Variants in PRKCZ observed in about 807,000 individuals in gnomAD.
The protein encoded by PRKCZ is protein kinase C zeta, also known as protein kinase C zeta type.
In PRKCZ, 33 loss-of-function variants were observed where a neutral mutation model predicts 79.5. The ratio of observed to expected loss-of-function variants is 0.41; its 90% CI spans 0.31 to 0.55. PRKCZ has a LOEUF of 0.55. Among genes scored for constraint, PRKCZ ranks in the 20% least tolerant of loss-of-function variants. The pLI, the probability that PRKCZ is intolerant of heterozygous loss-of-function variation, is 0.19. For missense variants in PRKCZ, 578 were observed against 813.5 expected, an observed-to-expected ratio of 0.71 and a Z score of 3.52; for synonymous variants, 342 against 320.9, an observed-to-expected ratio of 1.07 and a Z score of -0.70.
chr1:2,078,626 C>T (rs891623533), intron 4 of PRKCZ, among the ~76,000 whole-genome samples: 38 of 152,158 alleles, frequency 2.5e-4, no homozygotes, highest in African/African-American at 8.7e-4. Flanking sequence ...TATCACATGG[C>T]CGACTCCCCG....
chr1:2,057,388 G>A (rs1366870394), intron 3 of PRKCZ, among the ~76,000 whole-genome samples: 1 of 152,204 alleles, frequency 6.6e-6, no homozygotes, highest in African/African-American at 2.4e-5. Context: ...CTTTGTCTCT[G>A]TGTCCACTTC....
At chr1:2,079,447 C>G (rs1040164347) in intron 4 of PRKCZ, among the ~76,000 whole-genome samples, 1 of 152,244 alleles carries the variant, frequency 6.6e-6, no homozygotes, top group Non-Finnish European at 1.5e-5. Context: ...TGGGCTTAAG[C>G]CCACGCTATT....
In PRKCZ at chr1:2,140,666, G is replaced by A. The variant is rs538814064; in HGVS notation, c.421-3544G>A. On this transcript the variant is annotated intron_variant, in intron 5 of 17. Coordinates refer to ENST00000378567, the MANE Select transcript of PRKCZ (RefSeq NM_002744.6). ...AGTGAGACTCCGTCTCAAAAAAAAA[G>A]AAAGAAAATGTGAGCAGGGAGGCCA... 2.3e-4 allele frequency among the ~76,000 whole-genome samples: 35 copies of A among 151,376 alleles called. No homozygotes were observed. The South Asian group carries it at 7.1e-3, about 31-fold the overall frequency.
intron 4 of PRKCZ, among the ~76,000 whole-genome samples, chr1:2,072,606 C>T (rs550902458): frequency 2.6e-5 from 4 of 152,144 alleles, no homozygotes; most frequent in South Asian, 4.2e-4. Flanking sequence ...GCCCCTGGGG[C>T]GACTGGGGGC....
chr1:2,177,788 C>T lies in PRKCZ; in HGVS notation c.1575+2475C>T, dbSNP rs973760685. 6.6e-6 allele frequency among the ~76,000 whole-genome samples: 1 copy of T among 152,320 alleles called. No homozygotes were observed. On this transcript the variant is annotated intron_variant, in intron 16 of 17. Transcript: ENST00000378567. The surrounding 1 kb of genome is among the most constrained non-coding windows in gnomAD (Gnocchi z 6.4). The stretch of plus-strand genomic sequence containing the variant: ...TCACCCCCGTGGCTGCCCACAGGGG[C>T]GGCTTCCATCACCCTGCTTCTTCCT...
Position 2,182,443 on chromosome 1 carries a change from G to A in PRKCZ, c.1576-2140G>A, listed in dbSNP as rs61730921. The A allele has an allele frequency of 9.3e-3, 1,440 of 155,226 alleles. 20 individuals carry two copies. The highest frequency in any genetic ancestry group is 0.031 in the African/African-American group (1,310 of 41,644). 9.6% of individuals were successfully genotyped at this position (155,226 alleles called of 1,614,324 possible). ...ATCATGGGCAGGGTGCATCTGTTTG[G>A]GTATGCTGCCCCCCAGCTGGCGGGG... On this transcript the variant is annotated intron_variant, in intron 16 of 17. Coordinates refer to ENST00000378567, the MANE Select transcript of PRKCZ (RefSeq NM_002744.6).
At chr1:2,056,882 C>G (rs1415259485) in intron 3 of PRKCZ, among the ~76,000 whole-genome samples, 1 of 151,964 alleles carries the variant, frequency 6.6e-6, no homozygotes, top group East Asian at 1.9e-4. Flanking sequence ...GCGCCCGCCA[C>G]CACGCCCGGC....
intron 9 of PRKCZ, among the ~76,000 whole-genome samples, chr1:2,154,875 G>A (rs1449275811): frequency 6.6e-6 from 1 of 152,214 alleles, no homozygotes; most frequent in Non-Finnish European, 1.5e-5. Context: ...ACAGTCCTAT[G>A]GCTGAAGCTA....
chr1:2,050,457 G>GCCCCCCGCT lies in PRKCZ; in HGVS notation c.-170_-162dup, dbSNP rs1449010974. 4.5e-6 allele frequency: 1 copy of GCCCCCCGCT among 223,960 alleles called. No homozygotes were observed. Among genetic ancestry groups the GCCCCCCGCT allele is most frequent in the African/African-American group, 2.3e-5 (1 of 42,708 alleles). 13.9% of individuals were successfully genotyped at this position (223,960 alleles called of 1,614,324 possible). On this transcript the variant is annotated 5_prime_UTR_variant, in exon 1 of 18. Transcript: ENST00000378567. The stretch of plus-strand genomic sequence containing the variant: ...CCCGCCGGACGGTCCCGCCCCGCGC[G>GCCCCCCGCT]CCCCCCGCTCCCGCCCCGCGCGCCG...
At chr1:2,131,616 CG>C (rs1484391060) in intron 4 of PRKCZ, among the ~76,000 whole-genome samples, 1 of 152,160 alleles carries the variant, frequency 6.6e-6, no homozygotes, top group African/African-American at 2.4e-5. Context: ...GCGCAGGACT[CG>C]GCAATATAAA....
At position 2,168,820 on chromosome 1, in the gene PRKCZ, G is replaced by T. The variant is rs989806629; in HGVS notation, c.975-698G>T. ...CTGACCTAAAAAAACCCGCCACAGGGTATTTCTGGGAGATTGTATGAGAAT... is the reference window on the plus strand; with the variant it reads ...CTGACCTAAAAAAACCCGCCACAGGTTATTTCTGGGAGATTGTATGAGAAT... On this transcript the variant is annotated intron_variant, in intron 10 of 17. Coordinates refer to ENST00000378567, the MANE Select transcript of PRKCZ (RefSeq NM_002744.6). This position sits in a 1 kb window ranked among gnomAD's most constrained non-coding sequence, Gnocchi z 4.7. 5 of 204,604 alleles carry T rather than the reference G, an allele frequency of 2.4e-5. No homozygotes were observed. The highest frequency in any genetic ancestry group is 1.7e-3 in the Middle Eastern group (1 of 592). 12.7% of individuals were successfully genotyped at this position (204,604 alleles called of 1,614,324 possible). A position where few individuals can be genotyped will look rare whatever the true frequency, so the allele number is the denominator to read the frequency against.
chr1:2,181,156 T>C (rs1351994161), intron 16 of PRKCZ, among the ~76,000 whole-genome samples: 1 of 139,726 alleles, frequency 7.2e-6, no homozygotes, highest in South Asian at 2.4e-4. Context: ...AGGGTCGTCC[T>C]GTGTCCAAAA....
intron 4 of PRKCZ, among the ~76,000 whole-genome samples, chr1:2,100,453 C>A (rs867495376): frequency 3.9e-5 from 6 of 152,208 alleles, no homozygotes; most frequent in African/African-American, 1.2e-4. Flanking sequence ...AAGGTCCTAC[C>A]TTTGTATCTA....
chr1:2,058,115 C>T (rs563487443), intron 3 of PRKCZ, among the ~76,000 whole-genome samples: 5 of 152,344 alleles, frequency 3.3e-5, no homozygotes, highest in Admixed American at 2.0e-4. Context: ...GATCCACCCG[C>T]CTCAGCCTCC....
chr1:2,098,998 C>T (rs188132236), intron 4 of PRKCZ, among the ~76,000 whole-genome samples: 1 of 152,308 alleles, frequency 6.6e-6, no homozygotes, highest in Admixed American at 6.5e-5. Flanking sequence ...GATGTTTTTA[C>T]TGCTCTGGGC....
intron 1 of PRKCZ, among the ~76,000 whole-genome samples, chr1:2,054,569 T>TA (rs201558585): frequency 1.9e-4 from 28 of 150,928 alleles, no homozygotes; most frequent in Middle Eastern, 3.4e-3. Flanking sequence ...TGACTCGGTT[T>TA]TAAAAAAAAA....
rs1659533316 is a variant in PRKCZ, at chr1:2,050,451, C to A, written c.-180C>A. Reference sequence around the variant, plus strand: ...CCCGCCCCCGCCGGACGGTCCCGCCCCGCGCGCCCCCCGCTCCCGCCCCGC... The same window carrying A: ...CCCGCCCCCGCCGGACGGTCCCGCCACGCGCGCCCCCCGCTCCCGCCCCGC... On this transcript the variant is annotated 5_prime_UTR_variant, in exon 1 of 18. Transcript: ENST00000378567. 2 of 217,586 alleles carry A rather than the reference C, an allele frequency of 9.2e-6. No individual in the cohort carries two copies. The highest frequency in any genetic ancestry group is 8.8e-6 in the Non-Finnish European group (1 of 114,062). The allele number at this position is 217,586 out of a possible 1,614,324, so 13.5% of individuals were successfully genotyped here.
At chr1:2,077,463 A>T (rs1025811264) in intron 4 of PRKCZ, among the ~76,000 whole-genome samples, 1 of 152,144 alleles carries the variant, frequency 6.6e-6, no homozygotes, top group Non-Finnish European at 1.5e-5. Flanking sequence ...TTGTTGAAAG[A>T]ATCCCGTGAG....
intron 4 of PRKCZ, among the ~76,000 whole-genome samples, chr1:2,108,686 C>CTG (rs1669092395): frequency 6.6e-6 from 1 of 152,238 alleles, no homozygotes; most frequent in African/African-American, 2.4e-5. Flanking sequence ...GTCCCCAGGG[C>CTG]TGTGAGCGAG....
Sources: allele counts gnomAD v4.1 joint callset (sites outside exome capture counted in the v4.1 genomes callset), GRCh38; gene constraint gnomAD v4.1.1; non-coding constraint Gnocchi (gnomAD v3.1); transcripts MANE v1.5; gene names NCBI Gene and HGNC (gene_info 2026-07-23, HGNC 2026-07-21).